AGR3: variants seen among roughly 807,000 people sequenced by gnomAD.
AGR3 encodes anterior gradient protein 3.
In AGR3, 37 loss-of-function variants were observed where a neutral mutation model predicts 24.5. The observed-to-expected ratio is 1.51, with a 90% CI of 1.16 to 1.99. The LOEUF is 1.99. Among genes scored for constraint, AGR3 ranks in the 30% most tolerant of loss-of-function variants. AGR3 has a pLI of 0.00. For synonymous variants in AGR3, 75 were observed against 61.6 expected (o/e 1.22, Z -1.02); for missense variants, 228 against 191.1 (o/e 1.19, Z -1.14).
intron 3 of AGR3, among the ~76,000 whole-genome samples, chr7:16,870,291 T>G (rs1173726375): frequency 6.6e-6 from 1 of 152,086 alleles, no homozygotes; most frequent in Non-Finnish European, 1.5e-5. Flanking sequence ...TTTTTGTTAT[T>G]CTGAATATTT....
chr7:16,861,500 G>T (rs2115299137), intron 5 of AGR3, 53 bp from the exon 6 acceptor site: 1 of 1,469,296 alleles, frequency 6.8e-7, no homozygotes, highest in Non-Finnish European at 9.4e-7. Context: ...GTTTTTGATA[G>T]TTTCAAGATG....
At chr7:16,879,414 T>C (rs979805665) in intron 1 of AGR3, among the ~76,000 whole-genome samples, 2 of 152,206 alleles carry the variant, frequency 1.3e-5, no homozygotes, top group Non-Finnish European at 2.9e-5. Context: ...AAGTCCAAAG[T>C]TGGGCCTGAT....
At chr7:16,863,817 C>T (rs1000540102) in intron 3 of AGR3, among the ~76,000 whole-genome samples, 3 of 151,748 alleles carry the variant, frequency 2.0e-5, no homozygotes, top group African/African-American at 7.3e-5. Context: ...TTAGATTGTT[C>T]CTAAACATTT....
intron 3 of AGR3, chr7:16,865,343 TAG>T: frequency 8.7e-7 from 1 of 1,143,066 alleles, no homozygotes; most frequent in Non-Finnish European, 1.3e-6. Flanking sequence ...AGAGCACCTC[TAG>T]AGAAGTTTTG....
At chr7:16,862,820 T>C (rs909262886) in intron 3 of AGR3, among the ~76,000 whole-genome samples, 158 bp from the exon 4 acceptor site, 20 of 152,190 alleles carry the variant, frequency 1.3e-4, no homozygotes, top group Non-Finnish European at 1.9e-4. Context: ...TGTTACTCTA[T>C]TTGTGGCCTC....
chr7:16,877,310 A>G (rs1005883494), intron 2 of AGR3, among the ~76,000 whole-genome samples: 3 of 135,476 alleles, frequency 2.2e-5, no homozygotes, highest in African/African-American at 7.5e-5. Flanking sequence ...TAGTATATAT[A>G]ATATATAATT....
At chr7:16,865,699 T>C (rs1480863077) in intron 3 of AGR3, 15 of 783,964 alleles carry the variant, frequency 1.9e-5, no homozygotes, top group South Asian at 1.7e-4. Context: ...TATACTTTGT[T>C]GCTCTTAGTA....
Position 16,860,600 on chromosome 7 carries a change from C to T in AGR3, c.368-17G>A. The T allele has an allele frequency of 2.5e-6, 4 of 1,574,112 alleles. No homozygotes were observed. Among genetic ancestry groups the T allele is most frequent in the Non-Finnish European group, 2.6e-6 (3 of 1,148,360 alleles). On this transcript the variant is annotated splice_polypyrimidine_tract_variant and intron_variant, in intron 6 of 7. Transcript: ENST00000310398. ...AAGAAGGGTCTGTCAAGGAAAAAACCAAGTCACGAAAGTATAATTTAGCAT... is the reference window on the plus strand; with the variant it reads ...AAGAAGGGTCTGTCAAGGAAAAAACTAAGTCACGAAAGTATAATTTAGCAT...
intron 3 of AGR3, chr7:16,865,473 T>G (rs994517674): frequency 1.3e-6 from 1 of 748,132 alleles, no homozygotes. Context: ...GGTAGAATGC[T>G]CTTCCCGAAT....
intron 3 of AGR3, among the ~76,000 whole-genome samples, chr7:16,871,781 G>A (rs1218602317): frequency 1.3e-5 from 2 of 152,120 alleles, no homozygotes; most frequent in Non-Finnish European, 2.9e-5. Context: ...GGCAGAGGTT[G>A]CAGCGAGCTG....
chr7:16,878,433 C>A, intron 2 of AGR3, 77 bp downstream of exon 2: 1 of 1,271,364 alleles, frequency 7.9e-7, no homozygotes, highest in Non-Finnish European at 1.1e-6. Context: ...TATAATTAGA[C>A]TATGAGTGAA....
At position 16,859,648 on chromosome 7, in the gene AGR3, T is replaced by C; in HGVS notation, c.452-17A>G. ...TTTCTATCACTGAAATAAGAGTTAA[T>C]ATATATTATGCTATTAATAAATGAA... is the stretch of plus-strand genomic sequence containing the variant. On this transcript the variant is annotated splice_polypyrimidine_tract_variant and intron_variant, in intron 7 of 7. Transcript: ENST00000310398. 7.0e-7 allele frequency: 1 copy of C among 1,428,048 alleles called. No individual in the cohort carries two copies. The highest frequency in any genetic ancestry group is 9.6e-7 in the Non-Finnish European group (1 of 1,038,982). The allele number at this position is 1,428,048 out of a possible 1,614,324, so 88.5% of individuals were successfully genotyped here. A position where few individuals can be genotyped will look rare whatever the true frequency, so the allele number is the denominator to read the frequency against.
Position 16,878,510 on chromosome 7 carries a change from C to T in AGR3, c.109G>A (p.Gly37Arg). ...EKRPPQTLSR[G>R]WGDDITWVQT... ...AGAAAATAAAATGAGATTACAGCAC[C>T]TCTTGAGAGTGTCTGAGGAGGCCTC... The change falls in exon 2 of 8, where the codon GGA becomes AGA. Residue 37 changes from glycine to arginine, a missense_variant and splice_region_variant. By Grantham distance (125) the Gly-to-Arg change is moderately radical (BLOSUM62 -2). Transcript: ENST00000310398. 1 of 1,611,402 alleles carries T rather than the reference C, an allele frequency of 6.2e-7. No homozygotes were observed. Among genetic ancestry groups the T allele is most frequent in the Admixed American group, 1.7e-5 (1 of 59,992 alleles).
Position 16,861,425 on chromosome 7 carries a change from A to G in AGR3, c.326T>C (p.Leu109Ser), listed in dbSNP as rs576082754. The G allele has an allele frequency of 8.1e-6, 13 of 1,611,710 alleles. 1 individual carries two copies. In the South Asian group the frequency reaches 1.4e-4, roughly 18 times the overall value. ...NLMHETTDKN[L>S]SPDGQYVPRI... Reference sequence around the variant, plus strand: ...AGGCACATATTGCCCATCAGGTGATAAATTCTTATCAGTGGTTTCATGCTA... The same window carrying G: ...AGGCACATATTGCCCATCAGGTGATGAATTCTTATCAGTGGTTTCATGCTA... The change falls in exon 6 of 8, where the codon TTA becomes TCA. Residue 109 changes from leucine to serine, a missense_variant. Leu to Ser is a moderately radical substitution (Grantham distance 145, BLOSUM62 -2). Transcript: ENST00000310398.
At chr7:16,875,680 C>T (rs1781973952) in intron 2 of AGR3, among the ~76,000 whole-genome samples, 1 of 151,928 alleles carries the variant, frequency 6.6e-6, no homozygotes, top group Admixed American at 6.6e-5. Context: ...TGAGGAGCTG[C>T]CGGGTTATTT....
rs144099263 is a variant in AGR3 at position 16,865,318 on chromosome 7, C to A, written c.174-2656G>T. On this transcript the variant is annotated intron_variant, in intron 3 of 7. Transcript: ENST00000310398. ...CTGTTTATTGCACTTCTCATATCAC[C>A]AGAACATCCTTGACAGAGCACCTCT... is the stretch of plus-strand genomic sequence containing the variant. 715 of 1,172,718 alleles carry A rather than the reference C, an allele frequency of 6.1e-4. 7 individuals are homozygous for A. In the East Asian group the frequency reaches 0.015, roughly 25 times the overall value. 72.6% of individuals were successfully genotyped at this position (1,172,718 alleles called of 1,614,324 possible). A position where few individuals can be genotyped will look rare whatever the true frequency, so the allele number is the denominator to read the frequency against.
At chr7:16,861,190 G>A (rs191526191) in intron 6 of AGR3, among the ~76,000 whole-genome samples, 194 bp downstream of exon 6, 3 of 152,242 alleles carry the variant, frequency 2.0e-5, no homozygotes, top group East Asian at 3.9e-4. Flanking sequence ...TACATGCTTT[G>A]AAAAAATATT....
Position 16,859,496 on chromosome 7 carries a change from T to C in AGR3, c.*86A>G, listed in dbSNP as rs1781599657. On this transcript the variant is annotated 3_prime_UTR_variant, in exon 8 of 8. Coordinates refer to ENST00000310398, the MANE Select transcript of AGR3 (RefSeq NM_176813.5). ...TAGTAATATTACAAAATCTATATACTTGCACATTTAGTATTTGTCAATGTG... is the reference window on the plus strand; with the variant it reads ...TAGTAATATTACAAAATCTATATACCTGCACATTTAGTATTTGTCAATGTG... 1.2e-6 allele frequency: 1 copy of C among 844,152 alleles called. No individual in the cohort carries two copies. Among genetic ancestry groups the C allele is most frequent in the East Asian group, 2.7e-5 (1 of 36,972 alleles). 52.3% of individuals were successfully genotyped at this position (844,152 alleles called of 1,614,324 possible).
chr7:16,868,308 ACTATGC>A (rs1242538073), intron 3 of AGR3, among the ~76,000 whole-genome samples: 2 of 151,960 alleles, frequency 1.3e-5, no homozygotes, highest in Non-Finnish European at 2.9e-5. Context: ...GGCATGCACC[ACTATGC>A]CTGGCTAATT....
Sources: gnomAD v4.1 joint callset for allele counts (sites outside exome capture counted in the v4.1 genomes callset) on GRCh38, gnomAD v4.1.1 for gene constraint, MANE v1.5 for transcripts, NCBI Gene and HGNC (gene_info 2026-07-23, HGNC 2026-07-21) for gene names.